TXLNB: variants seen among roughly 807,000 people sequenced by gnomAD.
TXLNB encodes the protein taxilin beta.
TXLNB carries 37 observed loss-of-function variants against 57.4 expected under a neutral mutation model. The observed-to-expected ratio is 0.64, with a 90% CI of 0.50 to 0.85. TXLNB has a LOEUF of 0.85. Ranked by LOEUF, TXLNB falls within the 40% of genes least tolerant of loss-of-function variation. The pLI is 0.00. For missense variants in TXLNB, 848 were observed against 825.6 expected (o/e 1.03, Z -0.33); for synonymous variants, 302 against 309.6 (o/e 0.98, Z 0.26).
At chr6:139,277,723 T>TA (rs146555512) in intron 2 of TXLNB, among the ~76,000 whole-genome samples, 2 of 151,068 alleles carry the variant, frequency 1.3e-5, no homozygotes, top group East Asian at 1.9e-4. Flanking sequence ...TATGCTACAC[T>TA]AAAAAAAAAT....
chr6:139,322,381 G>A, the TXLNB span, among the ~76,000 whole-genome samples: 3 of 152,136 alleles, frequency 2.0e-5, no homozygotes, highest in African/African-American at 7.2e-5. Flanking sequence ...TGGCAGAAGA[G>A]CAGAAGAGAG....
At chr6:139,246,911 T>C (rs1776079352) in intron 8 of TXLNB, among the ~76,000 whole-genome samples, 2 of 139,012 alleles carry the variant, frequency 1.4e-5, no homozygotes, top group South Asian at 4.5e-4. Flanking sequence ...CGAAATTCCA[T>C]CTCAAAAAAA....
intron 4 of TXLNB, among the ~76,000 whole-genome samples, chr6:139,264,424 A>C (rs758588088): frequency 7.2e-5 from 11 of 152,044 alleles, no homozygotes; most frequent in Non-Finnish European, 1.5e-4. Context: ...TTTTTTTTTA[A>C]TTGGGAACTG....
At chr6:139,245,013 G>A (rs1450021253) in intron 8 of TXLNB, among the ~76,000 whole-genome samples, 1 of 152,186 alleles carries the variant, frequency 6.6e-6, no homozygotes, top group Admixed American at 6.5e-5. Flanking sequence ...TGTAATTTAG[G>A]ATATTTACTG....
At chr6:139,220,156 C>G in the TXLNB span, among the ~76,000 whole-genome samples, 3 of 152,146 alleles carry the variant, frequency 2.0e-5, no homozygotes, top group Non-Finnish European at 4.4e-5. Context: ...AGATCTTTTG[C>G]CCCTTCTGCC....
intron 5 of TXLNB, 83 bp from the exon 6 acceptor site, chr6:139,260,520 A>C (rs1328195668): frequency 7.1e-6 from 10 of 1,417,056 alleles, no homozygotes; most frequent in Non-Finnish European, 9.7e-6. Flanking sequence ...ACATTAATAC[A>C]CATTCCCCAG....
intron 1 of TXLNB, 67 bp from the exon 2 acceptor site, chr6:139,288,980 A>C: frequency 8.5e-7 from 1 of 1,181,346 alleles, no homozygotes; most frequent in Non-Finnish European, 1.2e-6. Flanking sequence ...CTACATTTCA[A>C]TGGTAAGGAT....
intron 3 of TXLNB, among the ~76,000 whole-genome samples, chr6:139,274,800 G>T (rs970795841): frequency 9.9e-5 from 15 of 152,194 alleles, no homozygotes; most frequent in African/African-American, 3.1e-4. Flanking sequence ...CATGGCGCTG[G>T]AAACTAAACA....
At position 139,243,043 on chromosome 6, in the gene TXLNB, G is replaced by A. The variant is rs753880150; in HGVS notation, c.1538C>T (p.Pro513Leu). The change falls in exon 10 of 10, where the codon CCA becomes CTA. Residue 513 changes from proline (P) to leucine (L), a missense_variant. Pro to Leu is a moderately conservative substitution (Grantham distance 98). Coordinates refer to ENST00000358430, the MANE Select transcript of TXLNB (RefSeq NM_153235.4). ...LATAFMIIHHPESTPHQSKET... is the reference protein window; with the variant it reads ...LATAFMIIHHLESTPHQSKET... ...TTTGGACTGGTGCGGGGTTGACTCT[G>A]GATGATGAATTATCATGAAGGCTGT... The A allele has an allele frequency of 1.9e-6, 3 of 1,614,142 alleles. No individual in the cohort carries two copies. The highest frequency in any genetic ancestry group is 2.7e-5 in the African/African-American group (2 of 75,038).
At chr6:139,223,056 A>C in the TXLNB span, among the ~76,000 whole-genome samples, 178 of 152,366 alleles carry the variant, frequency 1.2e-3, no homozygotes, top group African/African-American at 3.9e-3. Context: ...ACATTTACCA[A>C]GATTGACTGT....
the TXLNB span, among the ~76,000 whole-genome samples, chr6:139,232,593 G>A: frequency 1.2e-4 from 18 of 152,092 alleles, no homozygotes; most frequent in African/African-American, 4.3e-4. Context: ...ACATATATTA[G>A]AGCAATCTCA....
chr6:139,320,560 C>T, the TXLNB span, among the ~76,000 whole-genome samples: 8 of 151,938 alleles, frequency 5.3e-5, no homozygotes, highest in East Asian at 3.8e-4. Flanking sequence ...CTTTTTATTT[C>T]GATTATCATT....
chr6:139,280,360 T>A (rs1777016922), intron 2 of TXLNB, among the ~76,000 whole-genome samples: 1 of 152,176 alleles, frequency 6.6e-6, no homozygotes, highest in Non-Finnish European at 1.5e-5. Flanking sequence ...TCTGAAACTT[T>A]TAGCATAGTA....
chr6:139,316,217 C>A, the TXLNB span, among the ~76,000 whole-genome samples: 9 of 152,158 alleles, frequency 5.9e-5, no homozygotes, highest in East Asian at 1.2e-3. Context: ...GGGTCCTGAA[C>A]CTTCTCTTAG....
intron 7 of TXLNB, among the ~76,000 whole-genome samples, chr6:139,250,482 A>T (rs1427105233): frequency 1.3e-5 from 2 of 150,310 alleles, no homozygotes; most frequent in Admixed American, 1.3e-4. Context: ...GCTCCTGGGG[A>T]CTGGCTACCT....
the TXLNB span, chr6:139,178,346 AC>A: frequency 6.6e-6 from 1 of 152,166 alleles, no homozygotes; most frequent in African/African-American, 2.4e-5. Context: ...GACGTCGCAT[AC>A]CCTTATAGAA....
At chr6:139,303,871 T>C in the TXLNB span, among the ~76,000 whole-genome samples, 3 of 151,416 alleles carry the variant, frequency 2.0e-5, no homozygotes, top group East Asian at 3.9e-4. Context: ...TTTTTTTTTT[T>C]TTTAAACTAA....
the TXLNB span, among the ~76,000 whole-genome samples, chr6:139,220,191 G>T: frequency 6.6e-6 from 1 of 152,182 alleles, no homozygotes; most frequent in African/African-American, 2.4e-5. Context: ...TGAGAAGATG[G>T]CTGTCTATGA....
chr6:139,317,414 T>C, the TXLNB span, among the ~76,000 whole-genome samples: 44 of 150,942 alleles, frequency 2.9e-4, no homozygotes, highest in Admixed American at 1.1e-3. Context: ...TTTTTTTTTT[T>C]ATTGAAACGG....
Sources: allele counts gnomAD v4.1 joint callset (sites outside exome capture counted in the v4.1 genomes callset), GRCh38; gene constraint gnomAD v4.1.1; transcripts MANE v1.5; gene names NCBI Gene and HGNC (gene_info 2026-07-23, HGNC 2026-07-21).